Variants in MBP observed in about 807,000 individuals in gnomAD.
MBP encodes the protein myelin basic protein.
Under a neutral mutation model 35.8 loss-of-function variants are expected in MBP, and 16 were observed. The ratio of observed to expected loss-of-function variants is 0.45; its 90% CI spans 0.30 to 0.68. MBP has a LOEUF of 0.68. Ranked by LOEUF, MBP falls within the 30% of genes least tolerant of loss-of-function variation. The pLI is 0.08. For missense variants in MBP, 380 were observed against 404.7 expected (o/e 0.94, Z 0.52); for synonymous variants, 143 against 159.6 (o/e 0.90, Z 0.78).
chr18:77,053,343 G>A (rs868061353), intron 3 of MBP, among the ~76,000 whole-genome samples: 16 of 152,244 alleles, frequency 1.1e-4, no homozygotes, highest in African/African-American at 1.9e-4. Context: ...CAGCTGGGTC[G>A]GGACTGAGCT....
intron 1 of MBP, among the ~76,000 whole-genome samples, chr18:77,125,188 A>T (rs1010014027): frequency 2.0e-5 from 3 of 152,146 alleles, no homozygotes; most frequent in Non-Finnish European, 4.4e-5. Context: ...AAATTTCAGT[A>T]ATTTCACCTC....
chr18:77,048,671 T>C (rs1183237814), intron 3 of MBP, among the ~76,000 whole-genome samples: 2 of 151,474 alleles, frequency 1.3e-5, no homozygotes, highest in Non-Finnish European at 2.9e-5. Flanking sequence ...ACCATGTTGG[T>C]CAGGCTGGTC....
chr18:76,985,553 G>T, intron 7 of MBP: 1 of 1,108,052 alleles, frequency 9.0e-7, no homozygotes, highest in South Asian at 2.2e-5. Context: ...CTTGGCCATA[G>T]CTCGGACTGG....
intron 3 of MBP, among the ~76,000 whole-genome samples, chr18:77,048,864 G>C (rs1296862962): frequency 6.6e-6 from 1 of 152,124 alleles, no homozygotes; most frequent in Non-Finnish European, 1.5e-5. Context: ...TAAGCACTAG[G>C]GTTGGGATTT....
intron 4 of MBP, chr18:77,016,596 G>A: frequency 7.2e-7 from 1 of 1,393,192 alleles, no homozygotes; most frequent in Non-Finnish European, 9.3e-7. Flanking sequence ...ACATTCCTGA[G>A]CCACACCCCG....
At position 76,989,968 on chromosome 18, in the gene MBP, G is replaced by A; in HGVS notation, c.669C>T (p.Phe223=). Residue 223 remains phenylalanine (F), a synonymous_variant, in exon 5 of 9, where the codon TTC becomes TTT. Coordinates refer to ENST00000355994, the MANE Select transcript of MBP (RefSeq NM_001025101.2). This position sits in a 1 kb window ranked among gnomAD's most constrained non-coding sequence, Gnocchi z 4.0. ...RTQDENPVVH[F]FKNIVTPRTP... ...GATCGTCACTTACAATGTTCTTGAA[G>A]AAGTGGACTACGGGGTTTTCATCTT... The A allele has an allele frequency of 1.2e-6, 2 of 1,611,842 alleles. No individual in the cohort carries two copies. Among genetic ancestry groups the A allele is most frequent in the East Asian group, 4.5e-5 (2 of 44,860 alleles).
intron 3 of MBP, among the ~76,000 whole-genome samples, chr18:77,065,473 G>T (rs560890278): frequency 3.3e-5 from 5 of 152,128 alleles, no homozygotes; most frequent in South Asian, 2.1e-4. Flanking sequence ...TCCAACACAC[G>T]AAATGTAGGG....
At chr18:76,997,844 G>A (rs1970383465) in intron 4 of MBP, among the ~76,000 whole-genome samples, 1 of 152,162 alleles carries the variant, frequency 6.6e-6, no homozygotes, top group South Asian at 2.1e-4. Context: ...ACCACGCCCG[G>A]CTGATTTTTT....
At chr18:77,039,607 G>A (rs1972904339) in intron 3 of MBP, among the ~76,000 whole-genome samples, 1 of 152,188 alleles carries the variant, frequency 6.6e-6, no homozygotes, top group African/African-American at 2.4e-5. Flanking sequence ...AGGCATGCAG[G>A]GGAGGGTGAA....
chr18:77,133,133 C>T (rs556213351), upstream of MBP, among the ~76,000 whole-genome samples: 1 of 152,164 alleles, frequency 6.6e-6, no homozygotes, highest in South Asian at 2.1e-4. Context: ...GGGTGCCAGG[C>T]CGCATCTCCC....
intron 3 of MBP, among the ~76,000 whole-genome samples, chr18:77,022,846 T>C (rs1568297661): frequency 6.6e-6 from 1 of 152,216 alleles, no homozygotes; most frequent in South Asian, 2.1e-4. Flanking sequence ...TCTAAATCTA[T>C]GGATGTGCAG....
At chr18:77,073,810 C>T (rs1974544660) in intron 2 of MBP, among the ~76,000 whole-genome samples, 1 of 152,272 alleles carries the variant, frequency 6.6e-6, no homozygotes, top group South Asian at 2.1e-4. Flanking sequence ...AACTGCTCTT[C>T]AGCCAGCTCG....
chr18:77,013,812 C>T (rs1971477397), intron 4 of MBP: 33 of 985,452 alleles, frequency 3.3e-5, no homozygotes, highest in Non-Finnish European at 4.0e-5. Context: ...AGTGGCACAT[C>T]ACCATGTCCA....
chr18:77,027,668 C>T (rs1031554465), intron 3 of MBP, among the ~76,000 whole-genome samples: 3 of 152,198 alleles, frequency 2.0e-5, no homozygotes, highest in Non-Finnish European at 4.4e-5. Flanking sequence ...ATGACGTCCA[C>T]CAGATATTTT....
At chr18:77,130,804 T>TACC (rs1977218089) in intron 1 of MBP, among the ~76,000 whole-genome samples, 1 of 151,804 alleles carries the variant, frequency 6.6e-6, no homozygotes, top group Non-Finnish European at 1.5e-5. Flanking sequence ...AGCCATGAGC[T>TACC]ACCAGGTGTA....
At chr18:77,053,989 T>C (rs1781994477) in intron 3 of MBP, among the ~76,000 whole-genome samples, 1 of 152,196 alleles carries the variant, frequency 6.6e-6, no homozygotes, top group African/African-American at 2.4e-5. Context: ...CTTGGCCCCC[T>C]CCTCGAGGTG....
At chr18:77,081,049 T>C (rs1166721201) in intron 2 of MBP, among the ~76,000 whole-genome samples, 1 of 152,140 alleles carries the variant, frequency 6.6e-6, no homozygotes, top group Non-Finnish European at 1.5e-5. Context: ...GAAAGTATAG[T>C]CTTAAAACTC....
At chr18:77,009,196 C>A (rs1351273728) in intron 4 of MBP, among the ~76,000 whole-genome samples, 1 of 152,200 alleles carries the variant, frequency 6.6e-6, no homozygotes, top group Admixed American at 6.5e-5. Flanking sequence ...GGGCTTGTCC[C>A]CTTCCCCTTC....
chr18:77,131,434 G>C lies in MBP; in HGVS notation c.-26+1146C>G, dbSNP rs1235926238. On this transcript the variant is annotated intron_variant, in intron 1 of 8. Transcript: ENST00000355994. This position sits in a 1 kb window ranked among gnomAD's most constrained non-coding sequence, Gnocchi z 5.5. The stretch of plus-strand genomic sequence containing the variant: ...GCGTTCTGTGGTCAGACGAGGCAGA[G>C]GCCTCCCCGGAACGAAGTCCACGCC... 6.6e-6 allele frequency: 1 copy of C among 152,210 alleles called. No homozygotes were observed. Among genetic ancestry groups the C allele is most frequent in the Admixed American group, 6.5e-5 (1 of 15,270 alleles). 9.4% of individuals were successfully genotyped at this position (152,210 alleles called of 1,614,324 possible).
Sources: allele counts gnomAD v4.1 joint callset (sites outside exome capture counted in the v4.1 genomes callset), GRCh38; gene constraint gnomAD v4.1.1; non-coding constraint Gnocchi (gnomAD v3.1); transcripts MANE v1.5; gene names NCBI Gene and HGNC (gene_info 2026-07-23, HGNC 2026-07-21).